The following KLHL29 variants were observed in gnomAD, a reference collection of about 807,000 sequenced individuals.
KLHL29 encodes kelch like family member 29, also known as kelch-like protein 29.
A neutral mutation model predicts 80.4 loss-of-function variants in KLHL29; 21 were observed. The ratio of observed to expected loss-of-function variants is 0.26; its 90% CI spans 0.19 to 0.38. KLHL29 has a LOEUF of 0.38. Ranked by LOEUF, KLHL29 falls within the 10% of genes least tolerant of loss-of-function variation. The pLI, the probability that KLHL29 is intolerant of heterozygous loss-of-function variation, is 1.00. For missense variants in KLHL29, 867 were observed against 1,223.9 expected (o/e 0.71, Z 4.35); for synonymous variants, 511 against 526.8 (o/e 0.97, Z 0.41).
chr2:23,679,623 T>C (rs1421512353), intron 5 of KLHL29, among the ~76,000 whole-genome samples: 1 of 142,684 alleles, frequency 7.0e-6, no homozygotes, highest in Admixed American at 7.0e-5. Context: ...TATATATATA[T>C]GTATGCCAGG....
chr2:23,503,077 TG>T lies in KLHL29; in HGVS notation c.-46+27411del, dbSNP rs1487601730. Among the ~76,000 whole-genome samples, 1 of 152,254 alleles carries T rather than the reference TG, an allele frequency of 6.6e-6. No homozygotes were observed. Among genetic ancestry groups the T allele is most frequent in the Non-Finnish European group, 1.5e-5 (1 of 68,042 alleles). ...AAATAACCTGAGAATAGATGTGTTT[TG>T]TTTGAATGTCGTAGTTGTGCCCTTT... On this transcript the variant is annotated intron_variant, in intron 2 of 13. Coordinates refer to ENST00000486442, the MANE Select transcript of KLHL29 (RefSeq NM_052920.2). The surrounding 1 kb of genome is among the most constrained non-coding windows in gnomAD (Gnocchi z 4.0).
At chr2:23,392,552 A>G (rs1666344499) in intron 1 of KLHL29, among the ~76,000 whole-genome samples, 1 of 152,214 alleles carries the variant, frequency 6.6e-6, no homozygotes, top group Non-Finnish European at 1.5e-5. Flanking sequence ...ATATCCGAGT[A>G]CTTTACATAT....
chr2:23,683,721 G>A (rs1671156165), intron 5 of KLHL29, among the ~76,000 whole-genome samples: 1 of 152,238 alleles, frequency 6.6e-6, no homozygotes. Flanking sequence ...CCAGGAGAGG[G>A]TGGGTGTCCT....
chr2:23,606,326 C>T (rs1048674204), intron 3 of KLHL29, among the ~76,000 whole-genome samples: 4 of 152,042 alleles, frequency 2.6e-5, no homozygotes, highest in African/African-American at 9.7e-5. Context: ...GGTCCTCCTC[C>T]CAGCCGCTCT....
chr2:23,618,968 G>A (rs891657963), intron 3 of KLHL29, among the ~76,000 whole-genome samples: 49 of 152,326 alleles, frequency 3.2e-4, no homozygotes, highest in African/African-American at 1.2e-3. Flanking sequence ...AAATGAGGAT[G>A]CCTTGCCAGA....
chr2:23,622,720 G>T (rs555557297), intron 3 of KLHL29, among the ~76,000 whole-genome samples: 1 of 152,350 alleles, frequency 6.6e-6, no homozygotes, highest in South Asian at 2.1e-4. Context: ...CGCCCGCTGA[G>T]CATTCAACCG....
At chr2:23,640,939 A>G (rs903684130) in intron 4 of KLHL29, among the ~76,000 whole-genome samples, 3 of 151,834 alleles carry the variant, frequency 2.0e-5, no homozygotes, top group Non-Finnish European at 4.4e-5. Flanking sequence ...CCTCGGCGCC[A>G]TTTTCTTTCT....
intron 2 of KLHL29, among the ~76,000 whole-genome samples, chr2:23,481,224 C>T (rs775847969): frequency 3.0e-4 from 45 of 152,252 alleles, no homozygotes; most frequent in Non-Finnish European, 5.3e-4. Context: ...GTCAGAAGCA[C>T]TGCCAAGCCT....
At chr2:23,640,055 C>T (rs748774453) in intron 4 of KLHL29, among the ~76,000 whole-genome samples, 1 of 152,194 alleles carries the variant, frequency 6.6e-6, no homozygotes, top group Non-Finnish European at 1.5e-5. Flanking sequence ...CTAGTAGCCA[C>T]GTCACATGCT....
rs988321694 is a variant in KLHL29 at position 23,682,157 on chromosome 2, C to T, written c.941-2242C>T. 2.0e-5 allele frequency among the ~76,000 whole-genome samples: 3 copies of T among 152,202 alleles called. No homozygotes were observed. Among genetic ancestry groups the T allele is most frequent in the Non-Finnish European group, 4.4e-5 (3 of 68,044 alleles). ...TGCACTGAGCCCCACGGGGTCCACACGCTCCTGTTTCTCTGTCCTGCTGTT... is the reference window on the plus strand; with the variant it reads ...TGCACTGAGCCCCACGGGGTCCACATGCTCCTGTTTCTCTGTCCTGCTGTT... On this transcript the variant is annotated intron_variant, in intron 5 of 13. Transcript: ENST00000486442. This position sits in a 1 kb window ranked among gnomAD's most constrained non-coding sequence, Gnocchi z 4.1.
At chr2:23,427,670 T>C (rs1007613809) in intron 1 of KLHL29, among the ~76,000 whole-genome samples, 1 of 152,208 alleles carries the variant, frequency 6.6e-6, no homozygotes, top group African/African-American at 2.4e-5. Flanking sequence ...TCACACTCAA[T>C]TGGCTAAACA....
chr2:23,609,017 G>A (rs535343278), intron 3 of KLHL29, among the ~76,000 whole-genome samples: 2 of 152,344 alleles, frequency 1.3e-5, no homozygotes, highest in African/African-American at 4.8e-5. Context: ...CATTCGAGAA[G>A]ATTCTCCACT....
intron 2 of KLHL29, among the ~76,000 whole-genome samples, chr2:23,517,300 T>C (rs1487667733): frequency 6.6e-6 from 1 of 152,182 alleles, no homozygotes; most frequent in Non-Finnish European, 1.5e-5. Context: ...ATCCCAGCAC[T>C]TTGGGAGGCC....
intron 1 of KLHL29, among the ~76,000 whole-genome samples, chr2:23,425,633 A>G (rs1238792600): frequency 6.6e-6 from 1 of 152,210 alleles, no homozygotes; most frequent in East Asian, 1.9e-4. Context: ...AAAGGAAGCC[A>G]GTGTCCCCCC....
chr2:23,664,587 C>G (rs1025714115), intron 5 of KLHL29, among the ~76,000 whole-genome samples: 2 of 152,238 alleles, frequency 1.3e-5, no homozygotes, highest in Non-Finnish European at 2.9e-5. Context: ...TGTTTCCTAA[C>G]AGTCTTGGGT....
At chr2:23,697,118 AAAT>A (rs141067549) in intron 11 of KLHL29, 15,052 of 152,594 alleles carry the variant, frequency 0.099, 845 homozygotes, top group Middle Eastern at 0.16. Context: ...CCAGAAGAAA[AAAT>A]AAGCCAAAGG....
At chr2:23,687,015 C>T (rs556860446) in intron 6 of KLHL29, among the ~76,000 whole-genome samples, 35 of 152,264 alleles carry the variant, frequency 2.3e-4, no homozygotes, top group African/African-American at 8.4e-4. Flanking sequence ...TCTTGGTGGT[C>T]AAGAGAGAAG....
chr2:23,459,543 A>G (rs1572334386), intron 1 of KLHL29, among the ~76,000 whole-genome samples: 5 of 152,322 alleles, frequency 3.3e-5, no homozygotes, highest in Admixed American at 2.6e-4. Context: ...ATGACGACCA[A>G]TGAAGCAGGA....
At chr2:23,423,970 G>A (rs1003882248) in intron 1 of KLHL29, among the ~76,000 whole-genome samples, 1 of 152,108 alleles carries the variant, frequency 6.6e-6, no homozygotes, top group African/African-American at 2.4e-5. Context: ...TGGAGCATCC[G>A]CTCTCTCTCC....
Sources: allele counts gnomAD v4.1 joint callset (sites outside exome capture counted in the v4.1 genomes callset), GRCh38; gene constraint gnomAD v4.1.1; non-coding constraint Gnocchi (gnomAD v3.1); transcripts MANE v1.5; gene names NCBI Gene and HGNC (gene_info 2026-07-23, HGNC 2026-07-21).